Variants in PIK3C2A observed in about 807,000 individuals in gnomAD.
PIK3C2A encodes phosphatidylinositol 4-phosphate 3-kinase C2 domain-containing subunit alpha.
PIK3C2A carries 97 observed loss-of-function variants against 204.5 expected under a neutral mutation model. That is an observed-to-expected ratio of 0.47 (90% confidence interval 0.40 to 0.56). The LOEUF (loss-of-function observed/expected upper bound fraction) is 0.56. PIK3C2A is among the 20% of genes least tolerant of loss of function. The probability of loss-of-function intolerance (pLI) is 0.00; values close to 1 mark genes in which losing one functional copy is unlikely to be tolerated. For missense variants in PIK3C2A, 1,735 were observed against 1,969.2 expected (o/e 0.88, Z 2.25); for synonymous variants, 653 against 664.4 (o/e 0.98, Z 0.26).
intron 25 of PIK3C2A, among the ~76,000 whole-genome samples, chr11:17,100,184 C>T (rs1211651757): frequency 1.5e-5 from 2 of 137,728 alleles, no homozygotes; most frequent in African/African-American, 2.8e-5. Flanking sequence ...TGGTCAAAAA[C>T]CCAGTTTATA....
chr11:17,197,113 C>T (rs1852189804), intron 1 of PIK3C2A, among the ~76,000 whole-genome samples: 1 of 152,030 alleles, frequency 6.6e-6, no homozygotes, highest in Non-Finnish European at 1.5e-5. Flanking sequence ...CCTCCACCTT[C>T]CAGCTCAAGC....
intron 2 of PIK3C2A, among the ~76,000 whole-genome samples, chr11:17,158,792 TA>T (rs986880501): frequency 3.3e-5 from 5 of 151,970 alleles, no homozygotes; most frequent in South Asian, 2.1e-4. Flanking sequence ...TTTTAGGATT[TA>T]AAAAAAATAA....
chr11:17,107,307 C>T (rs1398087359), intron 22 of PIK3C2A, among the ~76,000 whole-genome samples: 4 of 150,820 alleles, frequency 2.7e-5, no homozygotes, highest in Admixed American at 6.6e-5. Context: ...TGCAAGGCTC[C>T]GTCTCAAAAA....
chr11:17,104,503 A>G (rs1279199880), intron 23 of PIK3C2A, among the ~76,000 whole-genome samples: 2 of 152,076 alleles, frequency 1.3e-5, no homozygotes, highest in African/African-American at 4.8e-5. Context: ...AAGCGGGCGG[A>G]TCACAAGGTC....
At chr11:17,091,264 G>C in intron 32 of PIK3C2A, 70 bp downstream of exon 32, 1 of 1,413,474 alleles carries the variant, frequency 7.1e-7, no homozygotes. Flanking sequence ...GCTTACGCAC[G>C]TCAGAACTTA....
chr11:17,205,450 G>A (rs576791529), intron 1 of PIK3C2A, among the ~76,000 whole-genome samples: 113 of 122,742 alleles, frequency 9.2e-4, no homozygotes, highest in African/African-American at 2.6e-3. Context: ...CTCCAGCCTC[G>A]TCAACAGAGT....
chr11:17,092,399 G>A, intron 28 of PIK3C2A, 123 bp from the exon 29 acceptor site: 1 of 633,302 alleles, frequency 1.6e-6, no homozygotes, highest in East Asian at 2.7e-5. Context: ...ATATTTTGTG[G>A]CCGGGCACGG....
At position 17,168,731 on chromosome 11, in the gene PIK3C2A, C is replaced by A; in HGVS notation, c.1011G>T (p.Gln337His). The change falls in exon 2 of 33, where the codon CAG (glutamine) becomes CAT (histidine). Residue 337 changes from glutamine to histidine, a missense_variant. Physicochemically the swap from Gln to His is conservative, Grantham distance 24 (BLOSUM62 0). Around this residue, in one of 6 missense-constraint regions of PIK3C2A, gnomAD observed 536 missense variants for 546.7 expected, o/e 0.98. Coordinates refer to ENST00000691414, the MANE Select transcript of PIK3C2A (RefSeq NM_002645.4). ...SLSVATVTRSQSLNIRTTQLA... is the reference protein window; with the variant it reads ...SLSVATVTRSHSLNIRTTQLA... ...GCTGAGTTGTTCGAATATTTAAAGA[C>A]TGGCTTCTTGTAACAGTTGCCACAG... The A allele has an allele frequency of 6.2e-7, 1 of 1,610,460 alleles. No individual in the cohort carries two copies.
chr11:17,130,078 T>C (rs1849646832), intron 12 of PIK3C2A, among the ~76,000 whole-genome samples: 2 of 152,234 alleles, frequency 1.3e-5, no homozygotes, highest in Non-Finnish European at 2.9e-5. Flanking sequence ...GTCATTTTTA[T>C]TTCCTTTTGG....
intron 8 of PIK3C2A, among the ~76,000 whole-genome samples, chr11:17,139,574 CACGCTGATACATCTTACT>C (rs1384495499): frequency 6.6e-6 from 1 of 152,156 alleles, no homozygotes; most frequent in Non-Finnish European, 1.5e-5. Context: ...CTGGCTGGCC[CACGCTGATACATCTTACT>C]ACCGACATGG....
chr11:17,202,188 G>A (rs1323417492), intron 1 of PIK3C2A, among the ~76,000 whole-genome samples: 10 of 151,606 alleles, frequency 6.6e-5, no homozygotes, highest in Admixed American at 4.6e-4. Flanking sequence ...CCCAGGAGGC[G>A]GAGGTTGCAG....
At chr11:17,179,789 T>C (rs1209590918) in intron 1 of PIK3C2A, among the ~76,000 whole-genome samples, 2 of 151,970 alleles carry the variant, frequency 1.3e-5, no homozygotes, top group East Asian at 1.9e-4. Context: ...AATGTTTTCA[T>C]TTTTTGTAGA....
chr11:17,167,409 G>A, intron 2 of PIK3C2A, among the ~76,000 whole-genome samples: 1 of 152,108 alleles, frequency 6.6e-6, no homozygotes. Context: ...GATCACCTGA[G>A]GTCGGGAGTT....
At chr11:17,143,954 A>T (rs1246695929) in intron 8 of PIK3C2A, among the ~76,000 whole-genome samples, 2 of 152,064 alleles carry the variant, frequency 1.3e-5, no homozygotes, top group Non-Finnish European at 2.9e-5. Flanking sequence ...AAAAAACAAC[A>T]ACAACAAAAA....
intron 1 of PIK3C2A, among the ~76,000 whole-genome samples, chr11:17,189,812 CAAAAAAA>C (rs759869051): frequency 5.0e-5 from 3 of 60,360 alleles, no homozygotes; most frequent in Admixed American, 2.2e-4. Flanking sequence ...GGCTCTGTCT[CAAAAAAA>C]AAAAAAAAAA....
At chr11:17,094,051 A>G (rs1262997785) in intron 28 of PIK3C2A, among the ~76,000 whole-genome samples, 1 of 152,208 alleles carries the variant, frequency 6.6e-6, no homozygotes, top group African/African-American at 2.4e-5. Flanking sequence ...AAAATCTCAT[A>G]TTTTAACATC....
intron 1 of PIK3C2A, among the ~76,000 whole-genome samples, chr11:17,183,080 G>C (rs1851620252): frequency 6.6e-6 from 1 of 152,104 alleles, no homozygotes; most frequent in Non-Finnish European, 1.5e-5. Flanking sequence ...CTAAGTTCAA[G>C]CAATCCACCT....
At chr11:17,171,136 C>A (rs1251631108) in intron 1 of PIK3C2A, among the ~76,000 whole-genome samples, 2 of 151,956 alleles carry the variant, frequency 1.3e-5, no homozygotes, top group African/African-American at 2.4e-5. Flanking sequence ...TGACCTTGGG[C>A]AAATGAAAAC....
At chr11:17,158,449 A>C (rs1323960535) in intron 2 of PIK3C2A, among the ~76,000 whole-genome samples, 1 of 151,390 alleles carries the variant, frequency 6.6e-6, no homozygotes, top group Admixed American at 6.6e-5. Context: ...AATAGGTGGG[A>C]ACTATTATTA....
Sources: gnomAD v4.1 joint callset for allele counts (sites outside exome capture counted in the v4.1 genomes callset) on GRCh38, gnomAD v4.1.1 for gene constraint, gnomAD v4.1.1 regional missense constraint, MANE v1.5 for transcripts, NCBI Gene and HGNC (gene_info 2026-07-23, HGNC 2026-07-21) for gene names.